GMPR: variants seen among roughly 807,000 people sequenced by gnomAD.
The protein encoded by GMPR is GMP reductase 1.
A neutral mutation model predicts 38.4 loss-of-function variants in GMPR; 31 were observed. The ratio of observed to expected loss-of-function variants is 0.81; its 90% CI spans 0.61 to 1.09. The LOEUF (loss-of-function observed/expected upper bound fraction) is 1.09, where lower values mean the gene tolerates loss of function less well. Among genes scored for constraint, GMPR ranks in the 50% least tolerant of loss-of-function variants. The pLI is 0.00. For synonymous variants in GMPR, 162 were observed against 173.3 expected (o/e 0.93, Z 0.51); for missense variants, 468 against 453.7 (o/e 1.03, Z -0.29).
chr6:16,286,165 G>A (rs1399320056), intron 7 of GMPR, among the ~76,000 whole-genome samples: 3 of 152,112 alleles, frequency 2.0e-5, no homozygotes, highest in South Asian at 4.1e-4. Flanking sequence ...TACAGAGGGG[G>A]TTTTTTGGAC....
intron 4 of GMPR, among the ~76,000 whole-genome samples, chr6:16,266,254 ACACT>A (rs1349476456): frequency 3.9e-5 from 6 of 152,056 alleles, no homozygotes; most frequent in South Asian, 2.1e-4. Context: ...AAGAGCTGTA[ACACT>A]CACTGCGAAG....
chr6:16,248,545 A>G (rs1483387714), intron 2 of GMPR, among the ~76,000 whole-genome samples: 5 of 152,106 alleles, frequency 3.3e-5, no homozygotes, highest in Non-Finnish European at 5.9e-5. Context: ...AGACACTGAG[A>G]TTCATTATTA....
At chr6:16,290,143 C>T (rs1263153741) in intron 7 of GMPR, 6 of 240,350 alleles carry the variant, frequency 2.5e-5, no homozygotes, top group Non-Finnish European at 4.9e-5. Context: ...CTTAATGTTT[C>T]TGTGATTCTA....
At chr6:16,249,180 T>G (rs1412044244) in intron 2 of GMPR, among the ~76,000 whole-genome samples, 1 of 148,362 alleles carries the variant, frequency 6.7e-6, no homozygotes, top group African/African-American at 2.5e-5. Flanking sequence ...TTTTTTTTTT[T>G]TTTTTTTTTG....
At chr6:16,240,611 G>A (rs1465524420) in intron 1 of GMPR, among the ~76,000 whole-genome samples, 2 of 152,196 alleles carry the variant, frequency 1.3e-5, no homozygotes, top group African/African-American at 4.8e-5. Flanking sequence ...ACTTCAGCCT[G>A]GACAACCCTG....
intron 3 of GMPR, among the ~76,000 whole-genome samples, chr6:16,254,354 C>T (rs9297005): frequency 0.33 from 50,797 of 152,062 alleles, 9,204 homozygotes; most frequent in East Asian, 0.7. Flanking sequence ...CATGAGCCAC[C>T]GTGCCTGGCC....
chr6:16,258,552 C>T (rs1001649818), intron 4 of GMPR, among the ~76,000 whole-genome samples: 1 of 152,222 alleles, frequency 6.6e-6, no homozygotes, highest in Non-Finnish European at 1.5e-5. Context: ...CCACCAACAG[C>T]GAGGCCCTCT....
At chr6:16,266,110 ATCTTTAAGAGCTGTAACACTTG>A (rs1759206606) in intron 4 of GMPR, among the ~76,000 whole-genome samples, 55 of 75,322 alleles carry the variant, frequency 7.3e-4, no homozygotes, top group Middle Eastern at 8.5e-3. Flanking sequence ...AACACTTGCC[ATCTTTAAGAGCTGTAACACTTG>A]CCATCTTTAA....
intron 1 of GMPR, among the ~76,000 whole-genome samples, chr6:16,239,215 G>A (rs1325117749): frequency 6.6e-6 from 1 of 152,200 alleles, no homozygotes; most frequent in Non-Finnish European, 1.5e-5. Context: ...TTCGCTTCGG[G>A]TCCAGCGGTG....
intron 1 of GMPR, among the ~76,000 whole-genome samples, chr6:16,239,312 G>A (rs1758599511): frequency 6.6e-6 from 1 of 152,184 alleles, no homozygotes; most frequent in Non-Finnish European, 1.5e-5. Context: ...GCTGGCAGTG[G>A]GGCTTGGGGA....
chr6:16,260,481 C>T (rs1759062398), intron 4 of GMPR, among the ~76,000 whole-genome samples: 2 of 152,020 alleles, frequency 1.3e-5, no homozygotes, highest in Admixed American at 6.6e-5. Context: ...TTATCTGACT[C>T]GGGGCATGTC....
intron 4 of GMPR, among the ~76,000 whole-genome samples, chr6:16,256,358 A>C: frequency 1.5e-5 from 1 of 68,956 alleles, no homozygotes; most frequent in African/African-American, 6.0e-5. Flanking sequence ...TACTAAAAAA[A>C]AAAAAAAAAA....
Position 16,254,642 on chromosome 6 carries a change from G to T in GMPR, c.372G>T (p.Lys124Asn), listed in dbSNP as rs775508170. The change falls in exon 4 of 9, where the codon AAG becomes AAT. Residue 124 changes from lysine (K) to asparagine (N), a missense_variant. Transcript: ENST00000259727. Reference protein sequence around the residue: ...TSILEAVPQVKFICLDVANGY... With the variant: ...TSILEAVPQVNFICLDVANGY... ...TCCTGGAAGCTGTGCCACAGGTTAAGTTTATTTGCCTGGATGTGGCCAATG... is the reference window on the plus strand; with the variant it reads ...TCCTGGAAGCTGTGCCACAGGTTAATTTTATTTGCCTGGATGTGGCCAATG... 3.7e-6 allele frequency: 6 copies of T among 1,613,620 alleles called. No individual in the cohort carries two copies. The highest frequency in any genetic ancestry group is 5.1e-6 in the Non-Finnish European group (6 of 1,179,466).
chr6:16,271,282 T>C (rs1759380011), intron 4 of GMPR, among the ~76,000 whole-genome samples: 1 of 152,212 alleles, frequency 6.6e-6, no homozygotes, highest in African/African-American at 2.4e-5. Context: ...GCTCAGGAGC[T>C]TGAGACCAGC....
rs530672842 is a variant in GMPR at position 16,289,054 on chromosome 6, C to CT, written c.698-1404dup. Among the ~76,000 whole-genome samples the CT allele has an allele frequency of 2.8e-3, 429 of 152,306 alleles. 2 individuals are homozygous for CT. The highest frequency in any genetic ancestry group is 1.0e-2 in the African/African-American group (414 of 41,562). ...CAGCAGTGGCAAACCCTTCTGGCTC[C>CT]TTTTCTTTGGGAGGGTGATTTGTTG... On this transcript the variant is annotated intron_variant, in intron 7 of 8. Transcript: ENST00000259727.
chr6:16,266,235 A>G (rs1358706578), intron 4 of GMPR, among the ~76,000 whole-genome samples: 1 of 150,946 alleles, frequency 6.6e-6, no homozygotes, highest in East Asian at 2.0e-4. Flanking sequence ...CGCCGCGCGC[A>G]CCACCTTTAA....
intron 7 of GMPR, among the ~76,000 whole-genome samples, chr6:16,287,764 A>T (rs1030078333): frequency 6.6e-6 from 1 of 152,176 alleles, no homozygotes; most frequent in Non-Finnish European, 1.5e-5. Flanking sequence ...GAACCCTGAA[A>T]GGGGAGGGTC....
At chr6:16,238,864 GGGT>G in intron 1 of GMPR, 84 bp downstream of exon 1, 2 of 596,856 alleles carry the variant, frequency 3.4e-6, no homozygotes, top group Non-Finnish European at 5.5e-6. Flanking sequence ...GGGTGGCACC[GGGT>G]TACCCTGCCT....
chr6:16,238,618 C>T lies in GMPR; in HGVS notation c.-76C>T, dbSNP rs984972264. 15 of 443,786 alleles carry T rather than the reference C, an allele frequency of 3.4e-5. No homozygotes were observed. The highest frequency in any genetic ancestry group is 3.0e-4 in the African/African-American group (14 of 46,444). The allele number at this position is 443,786 out of a possible 1,614,324, so 27.5% of individuals were successfully genotyped here. On this transcript the variant is annotated 5_prime_UTR_variant, in exon 1 of 9. Coordinates refer to ENST00000259727, the MANE Select transcript of GMPR (RefSeq NM_006877.4). Reference sequence around the variant, plus strand: ...GCTCCCGGCCGCGGCACAGCAGCCCCGGCGCTCCCCGCGCCGCCCCGCGCA... The same window carrying T: ...GCTCCCGGCCGCGGCACAGCAGCCCTGGCGCTCCCCGCGCCGCCCCGCGCA...
Sources: gnomAD v4.1 joint callset for allele counts (sites outside exome capture counted in the v4.1 genomes callset) on GRCh38, gnomAD v4.1.1 for gene constraint, MANE v1.5 for transcripts, NCBI Gene and HGNC (gene_info 2026-07-23, HGNC 2026-07-21) for gene names.